Variants in KCNK9 observed in about 807,000 individuals in gnomAD.
KCNK9 encodes potassium channel subfamily K member 9.
In KCNK9, 1 loss-of-function variant was observed where a neutral mutation model predicts 10.8. The ratio of observed to expected loss-of-function variants is 0.09; its 90% confidence interval spans 0.03 to 0.44. The LOEUF (loss-of-function observed/expected upper bound fraction) is 0.44. Ranked by LOEUF, KCNK9 falls within the 20% of genes least tolerant of loss-of-function variation. The pLI, the probability that KCNK9 is intolerant of heterozygous loss-of-function variation, is 0.97. For missense variants in KCNK9, 303 were observed against 515.0 expected (o/e 0.59, Z 3.98); for synonymous variants, 231 against 222.7 (o/e 1.04, Z -0.33).
chr8:139,667,026 C>G (rs1816318259), intron 1 of KCNK9, among the ~76,000 whole-genome samples: 1 of 152,262 alleles, frequency 6.6e-6, no homozygotes, highest in South Asian at 2.1e-4. Flanking sequence ...CCCGTCCACC[C>G]TGTCCAGCTC....
At chr8:139,684,985 C>T (rs1374584160) in intron 1 of KCNK9, among the ~76,000 whole-genome samples, 4 of 152,214 alleles carry the variant, frequency 2.6e-5, no homozygotes, top group Admixed American at 2.6e-4. Context: ...ACTACATGTG[C>T]TAAACCCAAC....
chr8:139,700,546 A>ACACACACACACACACACACGCGCG (rs1817192482), intron 1 of KCNK9, among the ~76,000 whole-genome samples: 1 of 122,434 alleles, frequency 8.2e-6, no homozygotes, highest in Non-Finnish European at 1.8e-5. Context: ...ACACGCGCGC[A>ACACACACACACACACACACGCGCG]CACACACACA....
intron 1 of KCNK9, among the ~76,000 whole-genome samples, chr8:139,633,503 C>G (rs558353896): frequency 6.6e-6 from 1 of 152,318 alleles, no homozygotes; most frequent in African/African-American, 2.4e-5. Context: ...TCTTGGATTG[C>G]TGCACAACTA....
At chr8:139,685,893 C>A (rs1352916729) in intron 1 of KCNK9, among the ~76,000 whole-genome samples, 1 of 152,164 alleles carries the variant, frequency 6.6e-6, no homozygotes, top group Non-Finnish European at 1.5e-5. Flanking sequence ...ATTTACACTC[C>A]CACCAACAGT....
chr8:139,687,643 T>TATAGACAC (rs1385196595), intron 1 of KCNK9, among the ~76,000 whole-genome samples: 39 of 112,924 alleles, frequency 3.5e-4, no homozygotes, highest in Admixed American at 4.3e-4. Flanking sequence ...TACATATGTA[T>TATAGACAC]ACATATATAT....
downstream of KCNK9, among the ~76,000 whole-genome samples, chr8:139,609,275 G>C (rs928049575): frequency 1.6e-5 from 2 of 122,334 alleles, no homozygotes; most frequent in African/African-American, 6.3e-5. Context: ...AGCGTGAAGA[G>C]TGAGTGTGCC....
intron 1 of KCNK9, among the ~76,000 whole-genome samples, chr8:139,619,369 G>C (rs1814707771): frequency 6.6e-6 from 1 of 152,120 alleles, no homozygotes; most frequent in African/African-American, 2.4e-5. Context: ...TGGGATGGAA[G>C]GGAAGAGAAA....
downstream of KCNK9, chr8:139,612,189 C>T (rs1814447284): frequency 6.6e-6 from 1 of 152,262 alleles, no homozygotes; most frequent in Admixed American, 6.5e-5. Flanking sequence ...GGCAAAGGCG[C>T]AGAGGTAGGA....
rs541449169 is a variant in KCNK9 at position 139,698,995 on chromosome 8, C to A, written c.283+3715G>T. Among the ~76,000 whole-genome samples the A allele has an allele frequency of 9.5e-4, 144 of 152,264 alleles. 1 individual carries two copies. Among genetic ancestry groups the A allele is most frequent in the African/African-American group, 3.4e-3 (141 of 41,540 alleles). ...ACCACTCCTAGCTTCAGCTGGGCCC[C>A]GAGGTTCTGGGGAAATACTGCCCCT... On this transcript the variant is annotated intron_variant, in intron 1 of 1. Coordinates refer to ENST00000520439, the MANE Select transcript of KCNK9 (RefSeq NM_001282534.2).
chr8:139,614,205 C>T (rs1197789106), downstream of KCNK9, among the ~76,000 whole-genome samples: 6 of 152,160 alleles, frequency 3.9e-5, no homozygotes, highest in Non-Finnish European at 5.9e-5. Context: ...AAACGACCTG[C>T]CTAGGCTTAT....
chr8:139,691,953 G>A (rs186470796), intron 1 of KCNK9, among the ~76,000 whole-genome samples: 21 of 152,270 alleles, frequency 1.4e-4, no homozygotes, highest in South Asian at 4.1e-4. Context: ...GCTGTTGGGC[G>A]GGTCATCCAG....
intron 1 of KCNK9, among the ~76,000 whole-genome samples, chr8:139,629,390 G>C (rs897075829): frequency 6.6e-6 from 1 of 152,220 alleles, no homozygotes; most frequent in African/African-American, 2.4e-5. Flanking sequence ...ACATCTAGGC[G>C]TGTCACTGAA....
chr8:139,627,031 C>T (rs1005828004), intron 1 of KCNK9, among the ~76,000 whole-genome samples: 20 of 152,188 alleles, frequency 1.3e-4, no homozygotes, highest in African/African-American at 4.1e-4. Context: ...CAAAGTGATG[C>T]ATGGGTCGCG....
At chr8:139,604,899 G>A (rs1817452954) in intron 2 of KCNK9, among the ~76,000 whole-genome samples, 1 of 152,136 alleles carries the variant, frequency 6.6e-6, no homozygotes, top group Non-Finnish European at 1.5e-5. Context: ...GCCATGGTCT[G>A]CTTTTGGCCA....
At chr8:139,601,860 T>C (rs1817378029) in intron 2 of KCNK9, among the ~76,000 whole-genome samples, 1 of 152,204 alleles carries the variant, frequency 6.6e-6, no homozygotes, top group Admixed American at 6.5e-5. Context: ...TGAACCCGCA[T>C]GTGTCAGGCA....
chr8:139,659,193 C>T (rs1371574176), intron 1 of KCNK9, among the ~76,000 whole-genome samples: 1 of 152,210 alleles, frequency 6.6e-6, no homozygotes, highest in Non-Finnish European at 1.5e-5. Flanking sequence ...GACTCTTGGC[C>T]GCTGTCAGGG....
chr8:139,639,338 A>T (rs972708597), intron 1 of KCNK9, among the ~76,000 whole-genome samples: 2 of 152,260 alleles, frequency 1.3e-5, no homozygotes, highest in African/African-American at 4.8e-5. Flanking sequence ...ACTAGCAAGT[A>T]GTGACGCCAA....
rs1815739544 is a variant in KCNK9, at chr8:139,647,885, C to T, written c.284-28786G>A. ...GCTGTGGAAGGTCATGTGGTGGTTT[C>T]CCAAAAGGTCAAACCTAGAATTGCC... On this transcript the variant is annotated intron_variant, in intron 1 of 1. Coordinates refer to ENST00000520439, the MANE Select transcript of KCNK9 (RefSeq NM_001282534.2). Among the ~76,000 whole-genome samples the T allele has an allele frequency of 7.9e-5, 12 of 152,264 alleles. No individual in the cohort carries two copies. The South Asian group carries it at 2.5e-3, about 32-fold the overall frequency.
chr8:139,618,270 C>T lies in KCNK9; in HGVS notation c.1113G>A (p.Arg371=), dbSNP rs757747560. 7.4e-6 allele frequency: 12 copies of T among 1,614,088 alleles called. No individual in the cohort carries two copies. The highest frequency in any genetic ancestry group is 9.3e-6 in the Non-Finnish European group (11 of 1,180,054). Residue 371 remains arginine (R), a synonymous_variant, in exon 2 of 2, where the codon CGG becomes CGA. Transcript: ENST00000520439. This position sits in a 1 kb window ranked among gnomAD's most constrained non-coding sequence, Gnocchi z 7.9. ...FTDHQRLMKR[R]KSV is the part of the protein sequence containing the mutation. ...TCCCTCCCCACACCTAAACGGACTT[C>T]CGGCGTTTCATCAGCCTCTGGTGGT...
Sources: allele counts gnomAD v4.1 joint callset (sites outside exome capture counted in the v4.1 genomes callset), GRCh38; gene constraint gnomAD v4.1.1; non-coding constraint Gnocchi (gnomAD v3.1); transcripts MANE v1.5; gene names NCBI Gene and HGNC (gene_info 2026-07-23, HGNC 2026-07-21).